The following SUPT3H variants were observed in gnomAD, a reference collection of about 807,000 sequenced individuals.
The protein encoded by SUPT3H is SPT3 homolog, SAGA and STAGA complex component, also known as transcription initiation protein SPT3 homolog.
SUPT3H carries 44 observed loss-of-function variants against 44.3 expected under a neutral mutation model. The observed-to-expected ratio is 0.99, with a 90% CI of 0.78 to 1.28. The LOEUF (loss-of-function observed/expected upper bound fraction) is 1.28. SUPT3H is among the 50% of genes most tolerant of loss of function. The pLI, the probability that SUPT3H is intolerant of heterozygous loss-of-function variation, is 0.00. For synonymous variants in SUPT3H, 124 were observed against 125.6 expected (o/e 0.99, Z 0.09); for missense variants, 380 against 387.1 (o/e 0.98, Z 0.15).
intron 3 of SUPT3H, among the ~76,000 whole-genome samples, chr6:45,073,787 G>A (rs1411802819): frequency 6.6e-6 from 1 of 151,940 alleles, no homozygotes; most frequent in Non-Finnish European, 1.5e-5. Context: ...GCTATGAAAA[G>A]GGCAAGAAAA....
At chr6:45,092,722 C>A (rs1300054886) in intron 3 of SUPT3H, among the ~76,000 whole-genome samples, 1 of 138,296 alleles carries the variant, frequency 7.2e-6, no homozygotes, top group Non-Finnish European at 1.5e-5. Flanking sequence ...CGCACTCCAG[C>A]CTGGGGAACA....
intron 2 of SUPT3H, among the ~76,000 whole-genome samples, chr6:45,113,261 ATG>A (rs2153575439): frequency 6.6e-6 from 1 of 152,268 alleles, no homozygotes; most frequent in East Asian, 1.9e-4. Flanking sequence ...TAGATGATGT[ATG>A]TGAACACAGA....
At chr6:45,178,571 G>A (rs1025554531) in intron 2 of SUPT3H, among the ~76,000 whole-genome samples, 1 of 151,840 alleles carries the variant, frequency 6.6e-6, no homozygotes, top group Non-Finnish European at 1.5e-5. Context: ...GGACCTAATA[G>A]ACATCTACAG....
intron 10 of SUPT3H, among the ~76,000 whole-genome samples, chr6:44,905,446 A>C (rs1222932428): frequency 6.6e-6 from 1 of 150,694 alleles, no homozygotes; most frequent in Non-Finnish European, 1.5e-5. Context: ...CCATCAGAGA[A>C]ATGCAAATCA....
chr6:44,976,677 T>A (rs189486591), intron 6 of SUPT3H, among the ~76,000 whole-genome samples: 44 of 152,322 alleles, frequency 2.9e-4, no homozygotes, highest in Admixed American at 2.5e-3. Context: ...TTTGAATTCT[T>A]ATCTGAAAAG....
chr6:45,280,294 G>T (rs751545730), intron 2 of SUPT3H, among the ~76,000 whole-genome samples: 8 of 152,034 alleles, frequency 5.3e-5, no homozygotes, highest in Non-Finnish European at 1.0e-4. Flanking sequence ...TTGAGGTTAG[G>T]ATTTTGAGAC....
At chr6:44,988,566 A>G (rs2153495351) in intron 6 of SUPT3H, among the ~76,000 whole-genome samples, 1 of 150,298 alleles carries the variant, frequency 6.7e-6, no homozygotes, top group Admixed American at 6.6e-5. Context: ...ACCAAAAGCA[A>G]TATTAAGATG....
intron 6 of SUPT3H, among the ~76,000 whole-genome samples, chr6:45,002,157 T>C (rs1365468719): frequency 6.6e-6 from 1 of 152,096 alleles, no homozygotes; most frequent in East Asian, 1.9e-4. Context: ...CAGTATGTAA[T>C]ACATAACTAT....
intron 3 of SUPT3H, among the ~76,000 whole-genome samples, chr6:45,075,491 G>T (rs952005127): frequency 1.3e-5 from 2 of 152,198 alleles, no homozygotes; most frequent in Admixed American, 1.3e-4. Context: ...CCTTCGGAGA[G>T]AAATGCTTAC....
rs866914328 is a variant in SUPT3H, at chr6:45,076,496, C to G, written c.186+29426G>C. ...TCTGATTATCATAAAGAATATACTA[C>G]AAGAAGAAAAAAAAAAAACTAGGGC... On this transcript the variant is annotated intron_variant, in intron 3 of 10. Transcript: ENST00000371459. Among the ~76,000 whole-genome samples the G allele has an allele frequency of 1.5e-3, 199 of 129,702 alleles. 1 individual carries two copies. The highest frequency in any genetic ancestry group is 4.8e-3 in the African/African-American group (186 of 38,832). 85.1% of individuals were successfully genotyped at this position (129,702 alleles called of 152,430 possible).
At chr6:45,168,707 T>C (rs1367321380) in intron 2 of SUPT3H, among the ~76,000 whole-genome samples, 2 of 152,076 alleles carry the variant, frequency 1.3e-5, no homozygotes, top group Non-Finnish European at 2.9e-5. Context: ...CCAGAGAAAG[T>C]TGGATTCTGG....
intron 3 of SUPT3H, among the ~76,000 whole-genome samples, chr6:45,080,646 G>A (rs1051910485): frequency 3.3e-5 from 5 of 151,930 alleles, no homozygotes; most frequent in African/African-American, 9.7e-5. Context: ...TGGAACTGGA[G>A]GTCATTAAGT....
intron 2 of SUPT3H, among the ~76,000 whole-genome samples, chr6:45,220,342 A>C (rs1021113627): frequency 6.6e-6 from 1 of 152,104 alleles, no homozygotes; most frequent in Non-Finnish European, 1.5e-5. Context: ...AATCACATCA[A>C]CAAGCTAAAG....
At chr6:45,016,375 T>G (rs1445400071) in intron 4 of SUPT3H, among the ~76,000 whole-genome samples, 2 of 151,906 alleles carry the variant, frequency 1.3e-5, no homozygotes, top group African/African-American at 4.8e-5. Context: ...CTTTAAGTTT[T>G]AGGGTACATG....
chr6:45,376,266 T>G (rs1488617215), intron 1 of SUPT3H, among the ~76,000 whole-genome samples: 5 of 152,212 alleles, frequency 3.3e-5, no homozygotes, highest in Non-Finnish European at 5.9e-5. Context: ...TTGAATATAA[T>G]TACAATTCCC....
rs568462786 is a variant in SUPT3H, at chr6:45,152,118, C to T, written c.102-46112G>A. ...CCCAGAATTCTGGACTCTCTGATCC[C>T]ACTGCTAACTTGGTATCATAAACAG... is the stretch of plus-strand genomic sequence containing the variant. On this transcript the variant is annotated intron_variant, in intron 2 of 10. Transcript: ENST00000371459. Among the ~76,000 whole-genome samples, 15 of 152,192 alleles carry T rather than the reference C, an allele frequency of 9.9e-5. No individual in the cohort carries two copies. The South Asian group carries it at 2.5e-3, about 25-fold the overall frequency.
At chr6:44,848,869 C>T (rs1772359538) in intron 10 of SUPT3H, among the ~76,000 whole-genome samples, 1 of 152,208 alleles carries the variant, frequency 6.6e-6, no homozygotes, top group African/African-American at 2.4e-5. Flanking sequence ...AACATTTAAC[C>T]TACTACACTT....
intron 10 of SUPT3H, among the ~76,000 whole-genome samples, chr6:44,833,758 A>G (rs1002632650): frequency 6.6e-6 from 1 of 152,184 alleles, no homozygotes; most frequent in Non-Finnish European, 1.5e-5. Context: ...TTGTCTTACA[A>G]TAAACAAAAC....
chr6:45,278,547 T>G lies in SUPT3H; in HGVS notation c.101+86654A>C, dbSNP rs1232854591. Among the ~76,000 whole-genome samples the G allele has an allele frequency of 2.6e-5, 4 of 152,350 alleles. No individual in the cohort carries two copies. In the East Asian group the frequency reaches 5.8e-4, roughly 22 times the overall value. ...CAAAATGGCAAATGACTTCATCTTC[T>G]TTTGGAAAATGACCTCATTATGACA... On this transcript the variant is annotated intron_variant, in intron 2 of 10. Transcript: ENST00000371459.
Sources: allele counts gnomAD v4.1 joint callset (sites outside exome capture counted in the v4.1 genomes callset), GRCh38; gene constraint gnomAD v4.1.1; transcripts MANE v1.5; gene names NCBI Gene and HGNC (gene_info 2026-07-23, HGNC 2026-07-21).